The following RWDD4 variants were observed in gnomAD, a reference collection of about 807,000 sequenced individuals.
RWDD4 encodes RWD domain-containing protein 4.
A neutral mutation model predicts 30.0 loss-of-function variants in RWDD4; 16 were observed. That is an observed-to-expected ratio of 0.53 (90% CI 0.36 to 0.81). The LOEUF (loss-of-function observed/expected upper bound fraction) is 0.81, where lower values mean the gene tolerates loss of function less well. Among genes scored for constraint, RWDD4 ranks in the 30% least tolerant of loss-of-function variants. The probability of loss-of-function intolerance (pLI) is 0.00; values close to 1 mark genes in which losing one functional copy is unlikely to be tolerated. For synonymous variants in RWDD4, 45 were observed against 72.1 expected, an observed-to-expected ratio of 0.62 and a Z score of 1.90; for missense variants, 170 against 223.9, an observed-to-expected ratio of 0.76 and a Z score of 1.54.
intron 2 of RWDD4, 126 bp from the exon 3 acceptor site, chr4:183,651,453 A>G (rs1734075239): frequency 1.3e-6 from 1 of 743,136 alleles, no homozygotes; most frequent in Non-Finnish European, 2.2e-6. Flanking sequence ...ATATTTTGAA[A>G]AGTCCAGTGA....
intron 7 of RWDD4, among the ~76,000 whole-genome samples, chr4:183,645,988 C>T (rs150173933): frequency 6.6e-6 from 1 of 152,086 alleles, no homozygotes; most frequent in Non-Finnish European, 1.5e-5. Context: ...CTGCAACCTC[C>T]GCCTCCTGGG....
At chr4:183,653,733 T>C (rs1561013476) in intron 2 of RWDD4, 3 of 152,172 alleles carry the variant, frequency 2.0e-5, no homozygotes, top group African/African-American at 7.2e-5. Context: ...ATATAGATGA[T>C]AAAAAGTGAT....
At chr4:183,657,511 T>A (rs1004158896) in intron 1 of RWDD4, among the ~76,000 whole-genome samples, 4 of 152,188 alleles carry the variant, frequency 2.6e-5, no homozygotes, top group African/African-American at 9.7e-5. Context: ...ATGATGAAAT[T>A]TAGCAGGGTA....
At chr4:183,658,834 G>T (rs1045583605) in intron 1 of RWDD4, 95 bp downstream of exon 1, 16 of 1,109,794 alleles carry the variant, frequency 1.4e-5, no homozygotes, top group African/African-American at 8.0e-5. Context: ...CACAGGGCAC[G>T]TGCCGGGCAG....
chr4:183,655,709 A>G (rs1734180202), intron 2 of RWDD4, among the ~76,000 whole-genome samples, 172 bp downstream of exon 2: 1 of 152,228 alleles, frequency 6.6e-6, no homozygotes, highest in Non-Finnish European at 1.5e-5. Context: ...TTCTGAATTA[A>G]GTTTTCAAAC....
intron 1 of RWDD4, among the ~76,000 whole-genome samples, chr4:183,657,223 G>A (rs975609836): frequency 6.6e-6 from 1 of 152,056 alleles, no homozygotes; most frequent in African/African-American, 2.4e-5. Context: ...GGCTCCACAG[G>A]TTTCTCTTGC....
intron 7 of RWDD4, among the ~76,000 whole-genome samples, chr4:183,642,058 T>C (rs1428246978): frequency 1.3e-5 from 2 of 152,050 alleles, no homozygotes; most frequent in African/African-American, 4.8e-5. Flanking sequence ...CTCCAACTAC[T>C]GAGAAAGGCC....
chr4:183,642,857 G>A (rs1042074531), intron 7 of RWDD4, among the ~76,000 whole-genome samples: 1 of 151,304 alleles, frequency 6.6e-6, no homozygotes, highest in Admixed American at 6.6e-5. Flanking sequence ...AGGAGATTGA[G>A]ACCATCCTGG....
intron 4 of RWDD4, among the ~76,000 whole-genome samples, chr4:183,649,782 T>C (rs1037284381): frequency 1.3e-5 from 2 of 152,252 alleles, no homozygotes; most frequent in Admixed American, 6.5e-5. Flanking sequence ...ATTAGTTCAA[T>C]TGTTATAACC....
At chr4:183,648,739 T>C (rs1428733460) in intron 5 of RWDD4, among the ~76,000 whole-genome samples, 2 of 152,218 alleles carry the variant, frequency 1.3e-5, no homozygotes, top group Non-Finnish European at 2.9e-5. Flanking sequence ...TTGTAGACTA[T>C]TTAAATGCTC....
rs751870217 is a variant in RWDD4, at chr4:183,651,224, T to G, written c.209A>C (p.Asn70Thr). ...AAAACAAGACACTACTCACATGGTG[T>G]TGTTAAAAAAAGCGTTCATAGATAG... Reference protein sequence around the residue: ...PILSMNAFFNNTISSAVKQSI... With the variant: ...PILSMNAFFNTTISSAVKQSI... Residue 70 changes from asparagine (N) to threonine (T), a missense_variant, in exon 3 of 8, where the codon AAC becomes ACC. Coordinates refer to ENST00000326397, the MANE Select transcript of RWDD4 (RefSeq NM_152682.4). 5 of 1,613,440 alleles carry G rather than the reference T, an allele frequency of 3.1e-6. No homozygotes were observed. Among genetic ancestry groups the G allele is most frequent in the East Asian group, 2.2e-5 (1 of 44,860 alleles).
rs764086447 is a variant in RWDD4, at chr4:183,651,294, T to G, written c.139A>C (p.Ile47Leu). 3.7e-6 allele frequency: 6 copies of G among 1,612,204 alleles called. No homozygotes were observed. The highest frequency in any genetic ancestry group is 5.1e-6 in the Non-Finnish European group (6 of 1,179,864). Residue 47 changes from isoleucine to leucine, a missense_variant, in exon 3 of 8, where the codon ATA becomes CTA. Coordinates refer to ENST00000326397, the MANE Select transcript of RWDD4 (RefSeq NM_152682.4). ...GENGDPKAFL[I>L]EISWTETYPQ... is the part of the protein sequence containing the mutation. ...TATGTTTCTGTCCAGGAAATCTCTA[T>G]TAAGAAGGCTTTGGGATCACCATTT...
chr4:183,648,899 T>G (rs1292872219), intron 5 of RWDD4, among the ~76,000 whole-genome samples: 1 of 152,002 alleles, frequency 6.6e-6, no homozygotes, highest in African/African-American at 2.4e-5. Flanking sequence ...CAGGCTGAAG[T>G]GCAGTGGCAC....
Position 183,646,474 on chromosome 4 carries a change from T to C in RWDD4, c.531+14A>G, listed in dbSNP as rs747119918. ...TGTAACAAGTTTAAAGACTAGAATA[T>C]AAATGTTATATACCTTCACAACATC... is the stretch of plus-strand genomic sequence containing the variant. On this transcript the variant is annotated intron_variant, in intron 6 of 7. Transcript: ENST00000326397. The C allele has an allele frequency of 4.7e-5, 75 of 1,609,912 alleles. No individual in the cohort carries two copies. The highest frequency in any genetic ancestry group is 6.2e-5 in the Non-Finnish European group (73 of 1,178,950).
At chr4:183,650,208 C>T (rs1207261165) in intron 4 of RWDD4, among the ~76,000 whole-genome samples, 6 of 152,106 alleles carry the variant, frequency 3.9e-5, no homozygotes, top group Non-Finnish European at 7.4e-5. Flanking sequence ...AGAAACCTGC[C>T]GAAAGTCACA....
intron 2 of RWDD4, among the ~76,000 whole-genome samples, chr4:183,654,621 T>C (rs79550463): frequency 0.073 from 11,148 of 152,200 alleles, 1,361 homozygotes; most frequent in African/African-American, 0.26. Flanking sequence ...GTGAATGAGA[T>C]ATTTAGGAGA....
intron 2 of RWDD4, among the ~76,000 whole-genome samples, chr4:183,654,130 G>C (rs1427365111): frequency 1.3e-5 from 2 of 152,112 alleles, no homozygotes; most frequent in Non-Finnish European, 2.9e-5. Flanking sequence ...AAATACACGG[G>C]GGGAAATGTC....
At chr4:183,650,203 C>T (rs541248225) in intron 4 of RWDD4, among the ~76,000 whole-genome samples, 3 of 152,290 alleles carry the variant, frequency 2.0e-5, no homozygotes, top group Non-Finnish European at 4.4e-5. Context: ...GATTAAGAAA[C>T]CTGCCGAAAG....
chr4:183,659,058 G>T lies in RWDD4; in HGVS notation c.-106C>A. ...GGCGTCCCCCTTTCGCGCCTCGGCT[G>T]TGGGGGCGGCACAGTCTTGGCACTG... is the stretch of plus-strand genomic sequence containing the variant. On this transcript the variant is annotated 5_prime_UTR_variant, in exon 1 of 8. Transcript: ENST00000326397. The T allele has an allele frequency of 2.3e-6, 2 of 873,064 alleles. No individual in the cohort carries two copies. Among genetic ancestry groups the T allele is most frequent in the Non-Finnish European group, 3.0e-6 (2 of 660,654 alleles). 54.1% of individuals were successfully genotyped at this position (873,064 alleles called of 1,614,324 possible).
Sources: allele counts gnomAD v4.1 joint callset (sites outside exome capture counted in the v4.1 genomes callset), GRCh38; gene constraint gnomAD v4.1.1; transcripts MANE v1.5; gene names NCBI Gene and HGNC (gene_info 2026-07-23, HGNC 2026-07-21).